The following SH2D6 variants were observed in gnomAD, a reference collection of about 807,000 sequenced individuals.
The protein encoded by SH2D6 is SH2 domain-containing protein 6.
In SH2D6, 31 loss-of-function variants were observed where a neutral mutation model predicts 30.2. The observed-to-expected ratio is 1.03, with a 90% CI of 0.77 to 1.38. The LOEUF (loss-of-function observed/expected upper bound fraction) is 1.38. Ranked by LOEUF, SH2D6 falls within the 40% of genes most tolerant of loss-of-function variation. SH2D6 has a pLI of 0.00. For synonymous variants in SH2D6, 93 were observed against 104.6 expected (o/e 0.89, Z 0.68); for missense variants, 240 against 266.8 (o/e 0.90, Z 0.70).
intron 2 of SH2D6, 46 bp from the exon 3 acceptor site, chr2:85,422,157 C>CT (rs1687771975): frequency 6.6e-6 from 1 of 150,578 alleles, no homozygotes; most frequent in South Asian, 2.1e-4. Context: ...GTCCTTTTTT[C>CT]TTTCTTTCTT....
At chr2:85,435,182 CCTTACCCAGGAACCCTCT>C in intron 20 of SH2D6, 59 bp downstream of exon 20, 1 of 1,539,066 alleles carries the variant, frequency 6.5e-7, no homozygotes, top group Non-Finnish European at 8.9e-7. Flanking sequence ...GCCTGAGAGT[CCTTACCCAGGAACCCTCT>C]TGGGCTGAAG....
At chr2:85,424,513 G>T (rs1558746667) in intron 5 of SH2D6, among the ~76,000 whole-genome samples, 1 of 152,152 alleles carries the variant, frequency 6.6e-6, no homozygotes, top group Non-Finnish European at 1.5e-5. Context: ...ACTTTGGGAG[G>T]CTAAGGCAGG....
chr2:85,433,905 A>G, intron 16 of SH2D6, 128 bp from the exon 17 acceptor site: 1 of 862,248 alleles, frequency 1.2e-6, no homozygotes, highest in Non-Finnish European at 1.8e-6. Flanking sequence ...CTCTGGTTGG[A>G]AGCACTCCCA....
chr2:85,422,977 T>G (rs1375413316), intron 5 of SH2D6, among the ~76,000 whole-genome samples: 2 of 152,108 alleles, frequency 1.3e-5, no homozygotes, highest in Non-Finnish European at 2.9e-5. Context: ...AACCTGCACC[T>G]CCTAGGTTCA....
intron 7 of SH2D6, 40 bp downstream of exon 7, chr2:85,428,737 C>A (rs1334874245): frequency 3.9e-5 from 6 of 152,184 alleles, no homozygotes; most frequent in African/African-American, 1.4e-4. Flanking sequence ...CCACACAGTT[C>A]GTGGGTTTTG....
chr2:85,435,249 G>A (rs1391302687), intron 20 of SH2D6, 126 bp downstream of exon 20: 10 of 1,254,426 alleles, frequency 8.0e-6, no homozygotes, highest in South Asian at 2.6e-5. Context: ...ACACGTGTGC[G>A]GCACCCCGCC....
intron 6 of SH2D6, among the ~76,000 whole-genome samples, chr2:85,427,816 C>A (rs1252053708): frequency 6.6e-6 from 1 of 152,094 alleles, no homozygotes; most frequent in African/African-American, 2.4e-5. Context: ...CCCTGTGAAG[C>A]CACCCCAGTG....
chr2:85,420,673 C>T (rs1408353086), intron 2 of SH2D6, among the ~76,000 whole-genome samples: 1 of 152,272 alleles, frequency 6.6e-6, no homozygotes, highest in East Asian at 1.9e-4. Flanking sequence ...AAAACTTGTC[C>T]TAACTTCCCA....
At chr2:85,433,912 C>A in intron 16 of SH2D6, 121 bp from the exon 17 acceptor site, 1 of 922,164 alleles carries the variant, frequency 1.1e-6, no homozygotes, top group South Asian at 1.7e-5. Flanking sequence ...TGGAAGCACT[C>A]CCAGAAAGTC....
intron 6 of SH2D6, among the ~76,000 whole-genome samples, chr2:85,427,643 G>A (rs974375169): frequency 1.1e-4 from 16 of 152,252 alleles, no homozygotes; most frequent in African/African-American, 3.9e-4. Context: ...GATTCCAAAC[G>A]AGGTCCCCTT....
At chr2:85,433,900 G>C in intron 16 of SH2D6, 133 bp from the exon 17 acceptor site, 1 of 844,304 alleles carries the variant, frequency 1.2e-6, no homozygotes, top group Non-Finnish European at 1.8e-6. Context: ...TCTGCCTCTG[G>C]TTGGAAGCAC....
chr2:85,434,972 A>AACC, intron 19 of SH2D6, 93 bp from the exon 20 acceptor site: 2 of 1,569,122 alleles, frequency 1.3e-6, no homozygotes, highest in Non-Finnish European at 8.6e-7. Flanking sequence ...GCCTCCTCCT[A>AACC]CCCCCCACCC....
chr2:85,431,523 G>C (rs1192876975), intron 13 of SH2D6, among the ~76,000 whole-genome samples: 2 of 152,098 alleles, frequency 1.3e-5, no homozygotes, highest in Non-Finnish European at 2.9e-5. Flanking sequence ...TCATGTCTCT[G>C]AGGGGGAGGG....
intron 5 of SH2D6, among the ~76,000 whole-genome samples, 158 bp from the exon 6 acceptor site, chr2:85,425,150 C>T (rs1687939020): frequency 6.6e-6 from 1 of 152,080 alleles, no homozygotes; most frequent in Non-Finnish European, 1.5e-5. Flanking sequence ...TCCACCTTCC[C>T]AGGAGACACC....
At chr2:85,435,553 G>T in intron 21 of SH2D6, 57 bp downstream of exon 21, 2 of 1,598,500 alleles carry the variant, frequency 1.3e-6, no homozygotes, top group Non-Finnish European at 1.7e-6. Context: ...ACAGGCTGTG[G>T]CTGGCCGAGC....
chr2:85,436,818 C>G lies in SH2D6; in HGVS notation c.*13-19C>G, dbSNP rs1367593403. On this transcript the variant is annotated intron_variant, in intron 23 of 23. Transcript: ENST00000469800. The stretch of plus-strand genomic sequence containing the variant: ...CTCTGTTGCCTCTCCAAGGCTGACA[C>G]CCTCTTCCTGGCCTCCAGGAATGCA... 1 of 496,970 alleles carries G rather than the reference C, an allele frequency of 2.0e-6. No individual in the cohort carries two copies. The highest frequency in any genetic ancestry group is 3.7e-6 in the Non-Finnish European group (1 of 271,736). 30.8% of individuals were successfully genotyped at this position (496,970 alleles called of 1,614,324 possible).
chr2:85,433,065 T>G lies in SH2D6; in HGVS notation c.371-34T>G, dbSNP rs772265011. Reference sequence around the variant, plus strand: ...CTGAATTCCTTTCTGCTCCCTGCCGTGCATGACAGGTGGTTCTCTCCTTTT... The same window carrying G: ...CTGAATTCCTTTCTGCTCCCTGCCGGGCATGACAGGTGGTTCTCTCCTTTT... On this transcript the variant is annotated intron_variant, in intron 14 of 23. Coordinates refer to ENST00000469800, the MANE Select transcript of SH2D6 (RefSeq NM_001394463.1). The G allele has an allele frequency of 7.0e-4, 687 of 985,956 alleles. 1 individual carries two copies. The highest frequency in any genetic ancestry group is 3.4e-3 in the South Asian group (73 of 21,292). 61.1% of individuals were successfully genotyped at this position (985,956 alleles called of 1,614,324 possible).
chr2:85,434,367 G>A lies in SH2D6; in HGVS notation c.561G>A (p.Arg187=), dbSNP rs1449687892. 6.5e-7 allele frequency: 1 copy of A among 1,549,576 alleles called. No homozygotes were observed. The highest frequency in any genetic ancestry group is 1.2e-5 in the South Asian group (1 of 84,034). Reference sequence around the variant, plus strand: ...CTACCACAGCCCCCCAGGAAACTCGGAATGTAAGAGGCTGATGGTCAGGGG... The same window carrying A: ...CTACCACAGCCCCCCAGGAAACTCGAAATGTAAGAGGCTGATGGTCAGGGG... ...PRPTTAPQET[R]NGTADAASKE... is the part of the protein sequence containing the mutation. The change falls in exon 18 of 24, where the codon CGG becomes CGA. Residue 187 remains arginine (R), a synonymous_variant. Coordinates refer to ENST00000469800, the MANE Select transcript of SH2D6 (RefSeq NM_001394463.1).
In SH2D6 at chr2:85,434,160, G is replaced by C. The variant is rs377511374; in HGVS notation, c.533+49G>C. 8.8e-5 allele frequency: 136 copies of C among 1,540,650 alleles called. No individual in the cohort carries two copies. The African/African-American group carries it at 1.7e-3, about 19-fold the overall frequency. ...CCTGTGTGTATGTATGTGAGACACA[G>C]AGAGAGACAGCACCCCAGTTCAGGC... On this transcript the variant is annotated intron_variant, in intron 17 of 23. Transcript: ENST00000469800.
Sources: allele counts gnomAD v4.1 joint callset (sites outside exome capture counted in the v4.1 genomes callset), GRCh38; gene constraint gnomAD v4.1.1; transcripts MANE v1.5; gene names NCBI Gene and HGNC (gene_info 2026-07-23, HGNC 2026-07-21).